The following APBB1IP variants were observed in gnomAD, a reference collection of about 807,000 sequenced individuals.
APBB1IP encodes the protein amyloid beta A4 precursor protein-binding family B member 1-interacting protein.
A neutral mutation model predicts 64.9 loss-of-function variants in APBB1IP; 27 were observed. The observed-to-expected ratio is 0.42, with a 90% confidence interval of 0.31 to 0.57. The LOEUF (loss-of-function observed/expected upper bound fraction) is 0.57, where lower values mean the gene tolerates loss of function less well. Ranked by LOEUF, APBB1IP falls within the 20% of genes least tolerant of loss-of-function variation. The pLI is 0.20. For synonymous variants in APBB1IP, 392 were observed against 331.0 expected (o/e 1.18, Z -2.00); for missense variants, 812 against 845.5 (o/e 0.96, Z 0.49).
intron 4 of APBB1IP, among the ~76,000 whole-genome samples, chr10:26,497,715 C>T (rs796720845): frequency 1.4e-5 from 2 of 147,352 alleles, no homozygotes; most frequent in African/African-American, 2.5e-5. Flanking sequence ...TATTTCTGTC[C>T]TCTGGATTTT....
chr10:26,492,964 C>G (rs1301905332), intron 3 of APBB1IP, among the ~76,000 whole-genome samples: 2 of 152,156 alleles, frequency 1.3e-5, no homozygotes, highest in Non-Finnish European at 2.9e-5. Flanking sequence ...GAGGCCAGGG[C>G]ATGTTTCATC....
intron 4 of APBB1IP, among the ~76,000 whole-genome samples, chr10:26,498,398 A>G (rs971817577): frequency 6.6e-6 from 1 of 151,890 alleles, no homozygotes; most frequent in African/African-American, 2.4e-5. Context: ...AATCTCAGCT[A>G]CTCGGGAGGC....
intron 4 of APBB1IP, among the ~76,000 whole-genome samples, chr10:26,499,465 T>C (rs1048991090): frequency 2.0e-5 from 3 of 152,240 alleles, no homozygotes; most frequent in Non-Finnish European, 4.4e-5. Flanking sequence ...TTTATGATGA[T>C]GATGTCTGAC....
chr10:26,465,441 A>T (rs1835637634), intron 2 of APBB1IP, among the ~76,000 whole-genome samples: 1 of 152,214 alleles, frequency 6.6e-6, no homozygotes, highest in African/African-American at 2.4e-5. Context: ...AAAGAAAATA[A>T]ATTAGTAATA....
At chr10:26,475,359 G>A (rs1017606440) in intron 2 of APBB1IP, among the ~76,000 whole-genome samples, 4 of 152,144 alleles carry the variant, frequency 2.6e-5, no homozygotes, top group African/African-American at 2.4e-5. Flanking sequence ...CTGACCTCAC[G>A]TGATCTGCCC....
At chr10:26,559,769 C>T (rs1228105653) in intron 11 of APBB1IP, among the ~76,000 whole-genome samples, 2 of 151,838 alleles carry the variant, frequency 1.3e-5, no homozygotes, top group African/African-American at 2.4e-5. Flanking sequence ...CAGGCACCCG[C>T]CACCATGCCC....
chr10:26,565,495 C>T (rs1055636350), intron 14 of APBB1IP, among the ~76,000 whole-genome samples: 13 of 152,188 alleles, frequency 8.5e-5, no homozygotes, highest in African/African-American at 2.7e-4. Flanking sequence ...CACACAGCAA[C>T]TCCTGGATAA....
At chr10:26,493,381 A>G (rs1835981190) in intron 3 of APBB1IP, among the ~76,000 whole-genome samples, 1 of 152,214 alleles carries the variant, frequency 6.6e-6, no homozygotes, top group Admixed American at 6.5e-5. Flanking sequence ...TCACAAGAGT[A>G]TTGATTGGGG....
At chr10:26,474,856 G>A (rs1019021750) in intron 2 of APBB1IP, among the ~76,000 whole-genome samples, 1 of 152,214 alleles carries the variant, frequency 6.6e-6, no homozygotes, top group African/African-American at 2.4e-5. Flanking sequence ...TCTAGATCCA[G>A]GCATCTGTTT....
chr10:26,518,436 C>T lies in APBB1IP; in HGVS notation c.813+4776C>T, dbSNP rs547074423. The stretch of plus-strand genomic sequence containing the variant: ...CTAGTTTTGGTATTTTTAGTAGAGA[C>T]GGGGTTTCACCATGTTGGCCAGGCT... On this transcript the variant is annotated intron_variant, in intron 8 of 14. Transcript: ENST00000376236. Among the ~76,000 whole-genome samples the T allele has an allele frequency of 5.8e-4, 88 of 152,026 alleles. No homozygotes were observed. The South Asian group carries it at 6.0e-3, about 10-fold the overall frequency.
intron 2 of APBB1IP, among the ~76,000 whole-genome samples, chr10:26,444,498 T>A (rs1379350031): frequency 6.6e-6 from 1 of 152,136 alleles, no homozygotes; most frequent in Non-Finnish European, 1.5e-5. Context: ...AGAGCCAAGA[T>A]TTCCCGACAG....
intron 11 of APBB1IP, among the ~76,000 whole-genome samples, chr10:26,545,777 AC>A (rs1308996041): frequency 0.019 from 1,140 of 60,432 alleles, 19 homozygotes; most frequent in Non-Finnish European, 0.023. Flanking sequence ...AAACAAACAA[AC>A]AAACAAAAAA....
intron 2 of APBB1IP, among the ~76,000 whole-genome samples, chr10:26,439,376 T>C (rs1835314775): frequency 6.6e-6 from 1 of 152,188 alleles, no homozygotes. Context: ...TGGACAACTC[T>C]TTCCTCTTTT....
At chr10:26,552,135 C>G (rs1836839491) in intron 11 of APBB1IP, among the ~76,000 whole-genome samples, 1 of 151,906 alleles carries the variant, frequency 6.6e-6, no homozygotes, top group South Asian at 2.1e-4. Flanking sequence ...CCCATCTCTA[C>G]AGAAAAACTT....
intron 6 of APBB1IP, among the ~76,000 whole-genome samples, chr10:26,505,654 G>C (rs1836165445): frequency 6.6e-6 from 1 of 151,962 alleles, no homozygotes. Context: ...CTCAGCTAAT[G>C]ATTTTGTTGC....
chr10:26,567,239 C>T lies in APBB1IP; in HGVS notation c.1752C>T (p.Pro584=). 1.5e-6 allele frequency: 2 copies of T among 1,335,658 alleles called. No homozygotes were observed. The highest frequency in any genetic ancestry group is 1.9e-6 in the Non-Finnish European group (2 of 1,042,996). 82.7% of individuals were successfully genotyped at this position (1,335,658 alleles called of 1,614,324 possible). The part of the protein sequence containing the change: ...DFMEPPPDFV[P]PPPPSYAGIA... ...TGGAGCCGCCCCCAGACTTCGTGCC[C>T]CCGCCCCCGCCGTCGTACGCAGGGA... Residue 584 remains proline, a synonymous_variant, in exon 15 of 15, where the codon CCC becomes CCT. Coordinates refer to ENST00000376236, the MANE Select transcript of APBB1IP (RefSeq NM_019043.4).
At chr10:26,502,605 GCACT>G (rs1836119459) in intron 5 of APBB1IP, among the ~76,000 whole-genome samples, 2 of 150,574 alleles carry the variant, frequency 1.3e-5, no homozygotes, top group Non-Finnish European at 2.9e-5. Flanking sequence ...TCACACTACT[GCACT>G]CCAGCCTGGG....
At chr10:26,496,008 G>A (rs1836019745) in intron 3 of APBB1IP, among the ~76,000 whole-genome samples, 1 of 143,518 alleles carries the variant, frequency 7.0e-6, no homozygotes, top group African/African-American at 2.6e-5. Context: ...TATATAGTGT[G>A]TGTGTTCACC....
intron 11 of APBB1IP, among the ~76,000 whole-genome samples, chr10:26,557,653 C>T (rs1836910586): frequency 1.3e-5 from 2 of 152,308 alleles, no homozygotes; most frequent in South Asian, 2.1e-4. Context: ...ATAGTAACCT[C>T]TCTGAGCCTC....
Sources: gnomAD v4.1 joint callset for allele counts (sites outside exome capture counted in the v4.1 genomes callset) on GRCh38, gnomAD v4.1.1 for gene constraint, MANE v1.5 for transcripts, NCBI Gene and HGNC (gene_info 2026-07-23, HGNC 2026-07-21) for gene names.